DAPK1: variants seen among roughly 807,000 people sequenced by gnomAD.
The protein encoded by DAPK1 is death associated protein kinase 1.
In DAPK1, 56 loss-of-function variants were observed where a neutral mutation model predicts 144.9. The ratio of observed to expected loss-of-function variants is 0.39; its 90% confidence interval spans 0.31 to 0.48. The LOEUF (loss-of-function observed/expected upper bound fraction) is 0.48. Ranked by LOEUF, DAPK1 falls within the 20% of genes least tolerant of loss-of-function variation. DAPK1 has a pLI of 0.95. For missense variants in DAPK1, 1,454 were observed against 1,875.4 expected (o/e 0.78, Z 4.15); for synonymous variants, 690 against 749.0 (o/e 0.92, Z 1.29).
chr9:87,571,476 A>ACACACACACCCCCAC (rs771023885), intron 2 of DAPK1, among the ~76,000 whole-genome samples: 1 of 48,546 alleles, frequency 2.1e-5, no homozygotes. Flanking sequence ...CACACACACC[A>ACACACACACCCCCAC]ACACACACAC....
chr9:87,642,535 G>T (rs139028146), intron 10 of DAPK1, among the ~76,000 whole-genome samples: 312 of 152,158 alleles, frequency 2.1e-3, no homozygotes, highest in South Asian at 0.014. Context: ...AGTGTGGATG[G>T]CCTCCACAGG....
chr9:87,653,310 C>G (rs1830521759), intron 17 of DAPK1, among the ~76,000 whole-genome samples: 1 of 152,228 alleles, frequency 6.6e-6, no homozygotes, highest in Non-Finnish European at 1.5e-5. Flanking sequence ...GGATTTTGGC[C>G]AAGTTTCTAT....
Position 87,509,246 on chromosome 9 carries a change from G to T in DAPK1, c.62+10107G>T, listed in dbSNP as rs117612849. 1.9e-4 allele frequency among the ~76,000 whole-genome samples: 29 copies of T among 152,324 alleles called. No homozygotes were observed. In the East Asian group the frequency reaches 4.8e-3, roughly 25 times the overall value. On this transcript the variant is annotated intron_variant, in intron 2 of 25. Transcript: ENST00000408954. ...GCTGAATGGTATATAATACACAGAA[G>T]AGCTGTCCTTAGGAATTTGGTAAGG...
At chr9:87,576,553 GTTTGTTTTGT>G (rs200676571) in intron 2 of DAPK1, among the ~76,000 whole-genome samples, 4,755 of 152,038 alleles carry the variant, frequency 0.031, 107 homozygotes, top group Middle Eastern at 0.065. Context: ...TCTGGATCTT[GTTTGTTTTGT>G]TTTGTTTTGT....
intron 2 of DAPK1, among the ~76,000 whole-genome samples, chr9:87,511,863 A>T (rs558581304): frequency 6.6e-6 from 1 of 152,044 alleles, no homozygotes; most frequent in South Asian, 2.1e-4. Context: ...GGAGCCTGCC[A>T]CTACACCCAG....
intron 2 of DAPK1, among the ~76,000 whole-genome samples, chr9:87,508,264 G>A (rs1038874902): frequency 1.3e-5 from 2 of 151,948 alleles, no homozygotes; most frequent in Non-Finnish European, 2.9e-5. Flanking sequence ...TGCCCTCCTC[G>A]GTCTCCCAAA....
At chr9:87,691,508 T>C (rs769750804) in intron 21 of DAPK1, among the ~76,000 whole-genome samples, 1 of 152,062 alleles carries the variant, frequency 6.6e-6, no homozygotes, top group Non-Finnish European at 1.5e-5. Flanking sequence ...CTGACCTTTA[T>C]TATTTCTTTT....
At chr9:87,684,629 GA>G (rs34770261) in intron 20 of DAPK1, among the ~76,000 whole-genome samples, 19,470 of 152,106 alleles carry the variant, frequency 0.13, 1,805 homozygotes, top group East Asian at 0.44. Context: ...TGAGCTGTGG[GA>G]AGGAAAACAT....
At chr9:87,576,230 GTGTT>G (rs1827555352) in intron 2 of DAPK1, among the ~76,000 whole-genome samples, 1 of 152,230 alleles carries the variant, frequency 6.6e-6, no homozygotes. Context: ...TAATGAAAAT[GTGTT>G]TGAGTTTGTG....
At chr9:87,499,536 T>C (rs182266795) in intron 2 of DAPK1, among the ~76,000 whole-genome samples, 1 of 152,324 alleles carries the variant, frequency 6.6e-6, no homozygotes, top group East Asian at 1.9e-4. Flanking sequence ...GTTTTAAAAA[T>C]CTTAGTACTT....
intron 3 of DAPK1, among the ~76,000 whole-genome samples, chr9:87,622,780 G>A (rs2119048265): frequency 6.6e-6 from 1 of 152,066 alleles, no homozygotes; most frequent in South Asian, 2.1e-4. Context: ...GTGTGGTGGG[G>A]CGCACCTGTA....
At chr9:87,514,980 C>G (rs2118154129) in intron 2 of DAPK1, among the ~76,000 whole-genome samples, 1 of 152,248 alleles carries the variant, frequency 6.6e-6, no homozygotes, top group South Asian at 2.1e-4. Context: ...GTGTTCTGTT[C>G]TGGGAGAGAC....
chr9:87,577,670 G>A (rs919974014), intron 2 of DAPK1, among the ~76,000 whole-genome samples: 4 of 152,110 alleles, frequency 2.6e-5, no homozygotes, highest in African/African-American at 9.7e-5. Flanking sequence ...TGGTGATGCA[G>A]GGCTGTAGTC....
At chr9:87,640,191 C>G (rs760887679) in intron 7 of DAPK1, 107 bp from the exon 8 acceptor site, 2 of 1,125,422 alleles carry the variant, frequency 1.8e-6, no homozygotes, top group East Asian at 2.4e-5. Context: ...TGTGACTATT[C>G]GAGCACCAGA....
intron 2 of DAPK1, among the ~76,000 whole-genome samples, chr9:87,560,426 G>A (rs7025667): frequency 0.033 from 4,981 of 152,174 alleles, 268 homozygotes; most frequent in African/African-American, 0.11. Flanking sequence ...ACATTGTTGC[G>A]TGACACTTCC....
chr9:87,548,913 CTTTTTTTTTTTTTT>C (rs11291160), intron 2 of DAPK1, among the ~76,000 whole-genome samples: 5 of 63,870 alleles, frequency 7.8e-5, no homozygotes, highest in South Asian at 1.9e-3. Context: ...GATTTCATTC[CTTTTTTTTTTTTTT>C]TTTTTTTTTT....
intron 3 of DAPK1, among the ~76,000 whole-genome samples, chr9:87,630,066 G>T (rs188347302): frequency 6.3e-4 from 96 of 152,246 alleles, no homozygotes; most frequent in African/African-American, 2.1e-3. Flanking sequence ...AGCTGCTTCA[G>T]TGCCCCTGCC....
chr9:87,512,860 C>T (rs1444477858), intron 2 of DAPK1, among the ~76,000 whole-genome samples: 1 of 152,088 alleles, frequency 6.6e-6, no homozygotes, highest in Admixed American at 6.6e-5. Context: ...AGGCTGGTCT[C>T]GAACTCCTGA....
In DAPK1 at chr9:87,507,431, C is replaced by A. The variant is rs542439949; in HGVS notation, c.62+8292C>A. Among the ~76,000 whole-genome samples, 12 of 152,326 alleles carry A rather than the reference C, an allele frequency of 7.9e-5. 1 individual carries two copies. The highest frequency in any genetic ancestry group is 2.9e-4 in the African/African-American group (12 of 41,578). On this transcript the variant is annotated intron_variant, in intron 2 of 25. Transcript: ENST00000408954. Reference sequence around the variant, plus strand: ...TGTTAGTCTGGCTGGTCTTGAACTCCTGACCTCAGGTGATCTGCTCGCCTC... The same window carrying A: ...TGTTAGTCTGGCTGGTCTTGAACTCATGACCTCAGGTGATCTGCTCGCCTC...
Sources: allele counts gnomAD v4.1 joint callset (sites outside exome capture counted in the v4.1 genomes callset), GRCh38; gene constraint gnomAD v4.1.1; transcripts MANE v1.5; gene names NCBI Gene and HGNC (gene_info 2026-07-23, HGNC 2026-07-21).